CEP128: variants seen among roughly 807,000 people sequenced by gnomAD.
The protein encoded by CEP128 is centrosomal protein 128kDa.
In CEP128, 132 loss-of-function variants were observed where a neutral mutation model predicts 156.7. That is an observed-to-expected ratio of 0.84 (90% CI 0.73 to 0.97). CEP128 has a LOEUF of 0.97. CEP128 is among the 50% of genes least tolerant of loss of function. CEP128 has a pLI of 0.00. For synonymous variants in CEP128, 469 were observed against 448.9 expected (o/e 1.04, Z -0.57); for missense variants, 1,252 against 1,281.9 (o/e 0.98, Z 0.36).
At chr14:80,746,220 T>G (rs1026827495) in intron 18 of CEP128, among the ~76,000 whole-genome samples, 1 of 152,166 alleles carries the variant, frequency 6.6e-6, no homozygotes, top group African/African-American at 2.4e-5. Context: ...TTTAAAGGAA[T>G]AGATGAGTTG....
intron 19 of CEP128, among the ~76,000 whole-genome samples, chr14:80,724,503 C>A (rs1279268001): frequency 2.0e-5 from 3 of 151,954 alleles, no homozygotes; most frequent in African/African-American, 7.3e-5. Flanking sequence ...ACAAACGAAA[C>A]AGAGAAGACC....
intron 7 of CEP128, 57 bp from the exon 8 acceptor site, chr14:80,895,847 C>T (rs553386023): frequency 3.4e-5 from 40 of 1,174,152 alleles, no homozygotes; most frequent in Non-Finnish European, 4.0e-5. Context: ...ATACACAGAA[C>T]GAGTGAAATG....
chr14:80,695,742 G>A (rs1261153110), intron 19 of CEP128, among the ~76,000 whole-genome samples: 1 of 151,730 alleles, frequency 6.6e-6, no homozygotes, highest in African/African-American at 2.4e-5. Context: ...ATTGCAGGGT[G>A]TGTTCAGGTA....
intron 15 of CEP128, among the ~76,000 whole-genome samples, chr14:80,783,859 G>T (rs887520611): frequency 8.5e-5 from 13 of 152,216 alleles, no homozygotes; most frequent in Admixed American, 3.9e-4. Flanking sequence ...ATGAAATATA[G>T]TAAGGGTCTT....
chr14:80,672,733 T>C (rs1420119742), intron 19 of CEP128, among the ~76,000 whole-genome samples: 1 of 152,194 alleles, frequency 6.6e-6, no homozygotes, highest in Non-Finnish European at 1.5e-5. Context: ...TAGGTTTGTT[T>C]CATCAGAACA....
intron 15 of CEP128, among the ~76,000 whole-genome samples, chr14:80,781,557 T>A (rs1180835393): frequency 6.7e-6 from 1 of 148,192 alleles, no homozygotes; most frequent in African/African-American, 2.5e-5. Flanking sequence ...AGACAGTAAA[T>A]AATTAACGAA....
chr14:80,661,493 T>C (rs1411727678), intron 19 of CEP128, among the ~76,000 whole-genome samples: 2 of 150,332 alleles, frequency 1.3e-5, no homozygotes, highest in Non-Finnish European at 1.5e-5. Flanking sequence ...TAAACTGAAG[T>C]CTCCCTCTTA....
At chr14:80,955,874 G>T (rs759562537) in intron 2 of CEP128, 3 of 1,614,024 alleles carry the variant, frequency 1.9e-6, no homozygotes, top group Non-Finnish European at 2.5e-6. Flanking sequence ...AGAGATCAGG[G>T]TAGGACCCAG....
At chr14:80,490,507 T>C (rs928076467) in exon 7 of CEP128, 1 of 152,226 alleles carries the variant, frequency 6.6e-6, no homozygotes, top group Non-Finnish European at 1.5e-5. Context: ...AATCAAATAC[T>C]ACTTCTGTCC....
intron 19 of CEP128, among the ~76,000 whole-genome samples, chr14:80,619,706 T>TA (rs765078464): frequency 5.6e-5 from 7 of 124,486 alleles, no homozygotes; most frequent in South Asian, 5.1e-4. Flanking sequence ...CTGTCTCAAG[T>TA]TAAAAAAAAA....
chr14:80,572,586 C>T (rs1434155528), intron 20 of CEP128, among the ~76,000 whole-genome samples: 2 of 152,182 alleles, frequency 1.3e-5, no homozygotes, highest in Non-Finnish European at 2.9e-5. Flanking sequence ...CACTTATGTT[C>T]TGTAACACAA....
chr14:80,895,521 A>G (rs1889303317), intron 8 of CEP128, among the ~76,000 whole-genome samples, 197 bp downstream of exon 8: 1 of 152,128 alleles, frequency 6.6e-6, no homozygotes, highest in African/African-American at 2.4e-5. Flanking sequence ...CCAAATAAAT[A>G]TACCTAAATA....
Position 80,497,462 on chromosome 14 carries a change from A to G in CEP128, c.*17T>C. 6.5e-7 allele frequency: 1 copy of G among 1,531,148 alleles called. No individual in the cohort carries two copies. The highest frequency in any genetic ancestry group is 9.0e-7 in the Non-Finnish European group (1 of 1,108,272). The allele number at this position is 1,531,148 out of a possible 1,614,324, so 94.8% of individuals were successfully genotyped here. A position where few individuals can be genotyped will look rare whatever the true frequency, so the allele number is the denominator to read the frequency against. ...TTGTAACATACTCATGTAAAATAAC[A>G]AATTACATTTGCTTTTTTAGCTCCC... On this transcript the variant is annotated 3_prime_UTR_variant, in exon 25 of 25. Transcript: ENST00000555265.
chr14:80,889,913 C>A (rs1262603119), intron 8 of CEP128, among the ~76,000 whole-genome samples: 1 of 152,082 alleles, frequency 6.6e-6, no homozygotes, highest in Non-Finnish European at 1.5e-5. Context: ...CTACAAGGAA[C>A]TTAAACATAT....
intron 19 of CEP128, among the ~76,000 whole-genome samples, chr14:80,615,260 AG>A (rs1231520093): frequency 1.3e-5 from 2 of 152,228 alleles, no homozygotes; most frequent in African/African-American, 4.8e-5. Context: ...CAATCTTGCT[AG>A]GAAACCAAAA....
intron 14 of CEP128, among the ~76,000 whole-genome samples, chr14:80,790,344 T>G (rs1901639753): frequency 6.6e-6 from 1 of 152,148 alleles, no homozygotes; most frequent in African/African-American, 2.4e-5. Context: ...TGGAGTCCAA[T>G]TTTTTCCTTT....
chr14:80,562,252 T>C (rs7149526), intron 20 of CEP128, among the ~76,000 whole-genome samples: 47,325 of 151,876 alleles, frequency 0.31, 7,676 homozygotes, highest in East Asian at 0.34. Context: ...ACCTACTCTA[T>C]TCCAAAATGG....
chr14:80,495,978 G>A (rs997925368), downstream of CEP128, among the ~76,000 whole-genome samples: 1 of 152,060 alleles, frequency 6.6e-6, no homozygotes, highest in African/African-American at 2.4e-5. Context: ...CACACCACAC[G>A]GGATACTCCC....
At chr14:80,653,949 A>G (rs1375318030) in intron 19 of CEP128, among the ~76,000 whole-genome samples, 1 of 152,128 alleles carries the variant, frequency 6.6e-6, no homozygotes, top group African/African-American at 2.4e-5. Context: ...AGTCATAAAT[A>G]TGTGTGCAGT....
Sources: gnomAD v4.1 joint callset for allele counts (sites outside exome capture counted in the v4.1 genomes callset) on GRCh38, gnomAD v4.1.1 for gene constraint, MANE v1.5 for transcripts, NCBI Gene and HGNC (gene_info 2026-07-23, HGNC 2026-07-21) for gene names.